SMO: variants seen among roughly 807,000 people sequenced by gnomAD.
The protein encoded by SMO is protein smoothened.
SMO carries 40 observed loss-of-function variants against 81.6 expected under a neutral mutation model. That is an observed-to-expected ratio of 0.49 (90% CI 0.38 to 0.64). SMO has a LOEUF of 0.64. SMO is among the 30% of genes least tolerant of loss of function. The pLI, the probability that SMO is intolerant of heterozygous loss-of-function variation, is 0.00. For synonymous variants in SMO, 434 were observed against 432.1 expected (o/e 1.00, Z -0.05); for missense variants, 916 against 1,061.1 (o/e 0.86, Z 1.90).
Position 129,208,373 on chromosome 7 carries a change from C to G in SMO, c.1265-386C>G, listed in dbSNP as rs1563150603. ...GGCTGAGGCAGGAGAATTGCTTGAA[C>G]CTGGGAGGCGGAGTTTACAATGAGC... On this transcript the variant is annotated intron_variant, in intron 6 of 11. Coordinates refer to ENST00000249373, the MANE Select transcript of SMO (RefSeq NM_005631.5). This position sits in a 1 kb window ranked among gnomAD's most constrained non-coding sequence, Gnocchi z 5.2. Among the ~76,000 whole-genome samples, 1 of 152,058 alleles carries G rather than the reference C, an allele frequency of 6.6e-6. No homozygotes were observed. Among genetic ancestry groups the G allele is most frequent in the Non-Finnish European group, 1.5e-5 (1 of 68,008 alleles).
intron 6 of SMO, among the ~76,000 whole-genome samples, chr7:129,207,105 A>G (rs1374715986): frequency 6.6e-6 from 1 of 151,996 alleles, no homozygotes; most frequent in Admixed American, 6.6e-5. Context: ...CAGCCTCCCA[A>G]AGTGCGGAGA....
Position 129,211,128 on chromosome 7 carries a change from T to G in SMO, c.1801+15T>G. ...CGGGCCCGTGGGTGAGCCTCACCCC[T>G]CCTCTACCGGAGCCGCCTGGCCCCG... On this transcript the variant is annotated intron_variant, in intron 10 of 11. Coordinates refer to ENST00000249373, the MANE Select transcript of SMO (RefSeq NM_005631.5). This position sits in a 1 kb window ranked among gnomAD's most constrained non-coding sequence, Gnocchi z 4.6. 2.5e-6 allele frequency: 4 copies of G among 1,593,106 alleles called. No individual in the cohort carries two copies. The highest frequency in any genetic ancestry group is 3.4e-6 in the Non-Finnish European group (4 of 1,168,720).
In SMO at chr7:129,210,996, C is replaced by T. The variant is rs138072219; in HGVS notation, c.1684C>T (p.Arg562Trp). 1.2e-5 allele frequency: 20 copies of T among 1,613,228 alleles called. No homozygotes were observed. The highest frequency in any genetic ancestry group is 8.8e-5 in the South Asian group (8 of 90,908). Residue 562 changes from arginine (R) to tryptophan (W), a missense_variant, in exon 10 of 12, where the codon CGG (arginine) becomes TGG (tryptophan). Around this residue, in one of 4 missense-constraint regions of SMO, gnomAD observed 324 missense variants for 312.9 expected, o/e 1.04. Coordinates refer to ENST00000249373, the MANE Select transcript of SMO (RefSeq NM_005631.5). This position sits in a 1 kb window ranked among gnomAD's most constrained non-coding sequence, Gnocchi z 4.7. Reference protein sequence around the residue: ...LTGQSDDEPKRIKKSKMIAKA... With the variant: ...LTGQSDDEPKWIKKSKMIAKA... ...TGGGCAGAGTGACGATGAGCCAAAG[C>T]GGATCAAGAAGAGCAAGATGATTGC...
intron 1 of SMO, among the ~76,000 whole-genome samples, chr7:129,200,621 G>A (rs1793654384): frequency 1.3e-5 from 2 of 152,000 alleles, no homozygotes; most frequent in Admixed American, 1.3e-4. Context: ...TATTTTTAAG[G>A]TATGAAACAA....
At chr7:129,209,853 T>C (rs2150653257) in intron 8 of SMO, 1 of 181,314 alleles carries the variant, frequency 5.5e-6, no homozygotes, top group African/African-American at 2.3e-5. Flanking sequence ...GAGTAAGACA[T>C]TGCTACTGCT....
intron 1 of SMO, among the ~76,000 whole-genome samples, chr7:129,195,159 C>A (rs1301836409): frequency 6.6e-6 from 1 of 152,176 alleles, no homozygotes; most frequent in East Asian, 1.9e-4. Context: ...TGTGAGTAGT[C>A]TTTTATGTAT....
In SMO at chr7:129,212,202, T is replaced by C. The variant is rs2150656741; in HGVS notation, c.2115T>C (p.Pro705=). The change falls in exon 12 of 12, where the codon CCT becomes CCC. Residue 705 remains proline (P), a synonymous_variant. Coordinates refer to ENST00000249373, the MANE Select transcript of SMO (RefSeq NM_005631.5). The surrounding 1 kb of genome is among the most constrained non-coding windows in gnomAD (Gnocchi z 5.0). ...CCCCCAGTACCATTCCTCGACTGCC[T>C]CAGCTGCCCCGGCAGAAATGCCTGG... ...APAPSTIPRL[P]QLPRQKCLVA... 5 of 1,565,972 alleles carry C rather than the reference T, an allele frequency of 3.2e-6. No individual in the cohort carries two copies. The highest frequency in any genetic ancestry group is 4.3e-6 in the Non-Finnish European group (5 of 1,155,084).
chr7:129,190,961 AG>A (rs754351474), intron 1 of SMO, among the ~76,000 whole-genome samples: 33 of 151,946 alleles, frequency 2.2e-4, no homozygotes, highest in Non-Finnish European at 4.1e-4. Flanking sequence ...TTCATGCAAA[AG>A]ACTGAAATAA....
chr7:129,192,296 A>G (rs1793492925), intron 1 of SMO, among the ~76,000 whole-genome samples: 1 of 152,196 alleles, frequency 6.6e-6, no homozygotes. Flanking sequence ...GAAAGAAAGT[A>G]TAAGAGTTGC....
Position 129,205,399 on chromosome 7 carries a change from C to A in SMO, c.734C>A (p.Thr245Lys). 1 of 1,609,950 alleles carries A rather than the reference C, an allele frequency of 6.2e-7. No homozygotes were observed. ...TTCGGGGCCGTCACGGGCCTCTGCA[C>A]GCTCTTCACCCTGGTCAGCCGCGGG... ...AAFGAVTGLC[T>K]LFTLATFVAD... The change falls in exon 3 of 12, where the codon ACG becomes AAG. Residue 245 changes from threonine (T) to lysine (K), a missense_variant. Around this residue, in one of 4 missense-constraint regions of SMO, gnomAD observed 436 missense variants for 570.9 expected, o/e 0.76. Transcript: ENST00000249373.
Position 129,212,070 on chromosome 7 carries a change from C to G in SMO, c.1983C>G (p.Ile661Met), listed in dbSNP as rs1180366526. 1.3e-6 allele frequency: 2 copies of G among 1,587,972 alleles called. No individual in the cohort carries two copies. The highest frequency in any genetic ancestry group is 2.7e-5 in the African/African-American group (2 of 74,468). ...QANLWLVEAE[I>M]SPELQKRLGR... ...ACCTGTGGCTGGTTGAGGCAGAGAT[C>G]TCCCCAGAGCTGCAGAAGCGCCTGG... The change falls in exon 12 of 12, where the codon ATC becomes ATG. Residue 661 changes from isoleucine (I) to methionine (M), a missense_variant. This residue lies in a region of SMO where 324 missense variants were observed against 312.9 expected (regional missense o/e 1.04). Coordinates refer to ENST00000249373, the MANE Select transcript of SMO (RefSeq NM_005631.5). The surrounding 1 kb of genome is among the most constrained non-coding windows in gnomAD (Gnocchi z 5.0).
In SMO at chr7:129,208,457, T is replaced by G. The variant is rs1233073311; in HGVS notation, c.1265-302T>G. Among the ~76,000 whole-genome samples, 1 of 45,310 alleles carries G rather than the reference T, an allele frequency of 2.2e-5. No homozygotes were observed. The highest frequency in any genetic ancestry group is 6.4e-5 in the Non-Finnish European group (1 of 15,666). The allele number at this position is 45,310 out of a possible 152,430, so 29.7% of individuals were successfully genotyped here. Reference sequence around the variant, plus strand: ...CAGGGTTCCATCTCAAAAAAAAAATTATATGGATAGCGCTGTTCTTGAGTC... The same window carrying G: ...CAGGGTTCCATCTCAAAAAAAAAATGATATGGATAGCGCTGTTCTTGAGTC... On this transcript the variant is annotated intron_variant, in intron 6 of 11. Coordinates refer to ENST00000249373, the MANE Select transcript of SMO (RefSeq NM_005631.5). The surrounding 1 kb of genome is among the most constrained non-coding windows in gnomAD (Gnocchi z 5.2).
At position 129,192,632 on chromosome 7, in the gene SMO, A is replaced by G. The variant is rs541215173; in HGVS notation, c.331+3150A>G. Among the ~76,000 whole-genome samples, 8 of 152,276 alleles carry G rather than the reference A, an allele frequency of 5.3e-5. No individual in the cohort carries two copies. In the South Asian group the frequency reaches 1.7e-3, roughly 32 times the overall value. ...ACAGAGGGAGTGGGCAGATCCCACT[A>G]ACTTTCAGAGGTAGTGCTCATAGGG... On this transcript the variant is annotated intron_variant, in intron 1 of 11. Coordinates refer to ENST00000249373, the MANE Select transcript of SMO (RefSeq NM_005631.5).
At position 129,208,800 on chromosome 7, in the gene SMO, C is replaced by A. The variant is rs1343241795; in HGVS notation, c.1306C>A (p.Leu436Met). ...CTCCATCAAGAGCAACCACCCCGGGCTGCTGAGTGAGAAGGCTGCCAGCAA... is the reference window on the plus strand; with the variant it reads ...CTCCATCAAGAGCAACCACCCCGGGATGCTGAGTGAGAAGGCTGCCAGCAA... ...LFSIKSNHPG[L>M]LSEKAASKIN... Residue 436 changes from leucine to methionine, a missense_variant, in exon 7 of 12, where the codon CTG becomes ATG. Around this residue, in one of 4 missense-constraint regions of SMO, gnomAD observed 436 missense variants for 570.9 expected, o/e 0.76. Coordinates refer to ENST00000249373, the MANE Select transcript of SMO (RefSeq NM_005631.5). The surrounding 1 kb of genome is among the most constrained non-coding windows in gnomAD (Gnocchi z 5.2). 1 of 1,613,914 alleles carries A rather than the reference C, an allele frequency of 6.2e-7. No individual in the cohort carries two copies. The highest frequency in any genetic ancestry group is 8.5e-7 in the Non-Finnish European group (1 of 1,179,864).
At chr7:129,207,981 C>A (rs1793801870) in intron 6 of SMO, among the ~76,000 whole-genome samples, 1 of 151,534 alleles carries the variant, frequency 6.6e-6, no homozygotes, top group African/African-American at 2.4e-5. Context: ...AAAAAAAAAA[C>A]TTAGTGGGAA....
chr7:129,190,197 G>T (rs985154509), intron 1 of SMO, among the ~76,000 whole-genome samples: 2 of 152,156 alleles, frequency 1.3e-5, no homozygotes, highest in Non-Finnish European at 2.9e-5. Context: ...TTTGGTTACC[G>T]AGGCTGGTCA....
At chr7:129,194,823 C>T (rs1304173406) in intron 1 of SMO, among the ~76,000 whole-genome samples, 1 of 152,118 alleles carries the variant, frequency 6.6e-6, no homozygotes, top group Non-Finnish European at 1.5e-5. Flanking sequence ...CACTCTGTCA[C>T]CTAGGCTAGA....
At chr7:129,193,755 T>A in intron 1 of SMO, among the ~76,000 whole-genome samples, 2 of 13,980 alleles carry the variant, frequency 1.4e-4, no homozygotes, top group African/African-American at 6.8e-4. Flanking sequence ...CGAGACTCCA[T>A]CTCAAAAAAA....
In SMO at chr7:129,189,490, C is replaced by T. The variant is rs1793450740; in HGVS notation, c.331+8C>T. 5 of 1,535,536 alleles carry T rather than the reference C, an allele frequency of 3.3e-6. No homozygotes were observed. The East Asian group carries it at 9.8e-5, about 30-fold the overall frequency. ...AGCTCGTGCTCTGGTCGGGTAAGTGCGGCGGAGCCGGGTCTGGGGGGCGGG... is the reference window on the plus strand; with the variant it reads ...AGCTCGTGCTCTGGTCGGGTAAGTGTGGCGGAGCCGGGTCTGGGGGGCGGG... On this transcript the variant is annotated splice_region_variant and intron_variant, in intron 1 of 11. Transcript: ENST00000249373. This position sits in a 1 kb window ranked among gnomAD's most constrained non-coding sequence, Gnocchi z 4.7.
Sources: gnomAD v4.1 joint callset for allele counts (sites outside exome capture counted in the v4.1 genomes callset) on GRCh38, gnomAD v4.1.1 for gene constraint, gnomAD v4.1.1 regional missense constraint, Gnocchi (gnomAD v3.1) non-coding constraint, MANE v1.5 for transcripts, NCBI Gene and HGNC (gene_info 2026-07-23, HGNC 2026-07-21) for gene names.